Variants in BEND4 observed in about 807,000 individuals in gnomAD.
The protein encoded by BEND4 is BEN domain containing 4.
Under a neutral mutation model 54.7 loss-of-function variants are expected in BEND4, and 27 were observed. The observed-to-expected ratio is 0.49, with a 90% CI of 0.36 to 0.68. BEND4 has a LOEUF of 0.68. Among genes scored for constraint, BEND4 ranks in the 30% least tolerant of loss-of-function variants. The pLI is 0.00. For missense variants in BEND4, 702 were observed against 697.2 expected (o/e 1.01, Z -0.08); for synonymous variants, 327 against 299.5 (o/e 1.09, Z -0.95).
intron 2 of BEND4, among the ~76,000 whole-genome samples, chr4:42,147,837 G>C (rs1271031892): frequency 1.3e-5 from 2 of 152,074 alleles, no homozygotes; most frequent in Admixed American, 1.3e-4. Flanking sequence ...AATAAGAAGA[G>C]GGATGGGAAG....
intron 4 of BEND4, among the ~76,000 whole-genome samples, chr4:42,125,235 G>C (rs1021548577): frequency 6.6e-6 from 1 of 152,194 alleles, no homozygotes; most frequent in African/African-American, 2.4e-5. Flanking sequence ...AGTGTGTGAG[G>C]TGCCCAGAGT....
rs1577767444 is a variant in BEND4 at position 42,144,184 on chromosome 4, A to G, written c.488-190T>C. 29 of 629,982 alleles carry G rather than the reference A, an allele frequency of 4.6e-5. No individual in the cohort carries two copies. The South Asian group carries it at 5.4e-4, about 12-fold the overall frequency. The allele number at this position is 629,982 out of a possible 1,614,324, so 39.0% of individuals were successfully genotyped here. A position where few individuals can be genotyped will look rare whatever the true frequency, so the allele number is the denominator to read the frequency against. On this transcript the variant is annotated intron_variant, in intron 2 of 5. Coordinates refer to ENST00000502486, the MANE Select transcript of BEND4 (RefSeq NM_207406.4). The stretch of plus-strand genomic sequence containing the variant: ...CTTCCTGTTGTTCTGCGACTGCGGG[A>G]TGCTTGCTGAGTCACACGCAGTCTC...
intron 3 of BEND4, among the ~76,000 whole-genome samples, chr4:42,139,441 C>T (rs1720809358): frequency 1.3e-5 from 2 of 152,056 alleles, no homozygotes; most frequent in African/African-American, 4.8e-5. Flanking sequence ...ATAGTGCCTG[C>T]CCACAACTTC....
At chr4:42,130,251 C>A (rs572315301) in intron 3 of BEND4, among the ~76,000 whole-genome samples, 2 of 152,210 alleles carry the variant, frequency 1.3e-5, no homozygotes, top group East Asian at 3.9e-4. Flanking sequence ...GAGGCCGAGG[C>A]GGGCGGATCA....
chr4:42,124,771 G>C (rs1560576490), intron 4 of BEND4, among the ~76,000 whole-genome samples: 1 of 152,228 alleles, frequency 6.6e-6, no homozygotes, highest in Non-Finnish European at 1.5e-5. Flanking sequence ...CAGCAATCAT[G>C]AATTGAGTGT....
At position 42,143,617 on chromosome 4, in the gene BEND4, T is replaced by C. The variant is rs1720967308; in HGVS notation, c.865A>G (p.Thr289Ala). Residue 289 changes from threonine to alanine, a missense_variant, in exon 3 of 6, where the codon ACA becomes GCA. Coordinates refer to ENST00000502486, the MANE Select transcript of BEND4 (RefSeq NM_207406.4). ...VDPLSTSPVH[T>A]LGGWTSPATS... is the part of the protein sequence containing the mutation. ...GCTGGGGAAGTCCAGCCACCTAATG[T>C]ATGCACAGGAGAGGTTGACAGAGGA... 6.2e-7 allele frequency: 1 copy of C among 1,609,308 alleles called. No homozygotes were observed.
rs796520162 is a variant in BEND4 at position 42,152,390 on chromosome 4, G to A, written c.-233-14C>T. On this transcript the variant is annotated splice_polypyrimidine_tract_variant and intron_variant, in intron 1 of 5. Coordinates refer to ENST00000502486, the MANE Select transcript of BEND4 (RefSeq NM_207406.4). Reference sequence around the variant, plus strand: ...CCTCGCCAATGCCTGGAGGGAGAAAGGAGGTAAAGAGCAAGTGTTTAGGGT... The same window carrying A: ...CCTCGCCAATGCCTGGAGGGAGAAAAGAGGTAAAGAGCAAGTGTTTAGGGT... 28 of 284,088 alleles carry A rather than the reference G, an allele frequency of 9.9e-5. No homozygotes were observed. Among genetic ancestry groups the A allele is most frequent in the African/African-American group, 4.8e-4 (22 of 45,380 alleles). The allele number at this position is 284,088 out of a possible 1,614,324, so 17.6% of individuals were successfully genotyped here.
chr4:42,138,597 A>G (rs1229134692), intron 3 of BEND4, among the ~76,000 whole-genome samples: 1 of 152,204 alleles, frequency 6.6e-6, no homozygotes, highest in East Asian at 1.9e-4. Context: ...AAGAACAACA[A>G]CAGAAAAATG....
intron 3 of BEND4, among the ~76,000 whole-genome samples, chr4:42,142,896 C>T (rs1333123258): frequency 6.6e-6 from 1 of 152,224 alleles, no homozygotes. Flanking sequence ...AAAGGAAAGG[C>T]AGGGAAAATT....
chr4:42,149,183 C>A (rs1352996061), intron 2 of BEND4, among the ~76,000 whole-genome samples: 1 of 150,230 alleles, frequency 6.7e-6, no homozygotes, highest in Non-Finnish European at 1.5e-5. Context: ...AGGCAAAGCG[C>A]CGCTCCCACC....
At chr4:42,120,005 C>A (rs745312033) in intron 5 of BEND4, 49 bp downstream of exon 5, 6 of 1,610,734 alleles carry the variant, frequency 3.7e-6, no homozygotes, top group South Asian at 3.3e-5. Context: ...ACAGCCAATG[C>A]GGTGAAATGA....
chr4:42,135,852 A>T (rs758888037), intron 3 of BEND4, among the ~76,000 whole-genome samples: 1 of 152,172 alleles, frequency 6.6e-6, no homozygotes, highest in Non-Finnish European at 1.5e-5. Context: ...AGGGAAACAG[A>T]TTTGGCATGA....
intron 3 of BEND4, among the ~76,000 whole-genome samples, chr4:42,136,521 A>T (rs1441923949): frequency 2.0e-5 from 3 of 152,238 alleles, no homozygotes; most frequent in Non-Finnish European, 4.4e-5. Flanking sequence ...GTGCTTTTGC[A>T]GTCATTCACA....
chr4:42,133,341 C>T (rs896528682), intron 3 of BEND4, among the ~76,000 whole-genome samples: 3 of 152,138 alleles, frequency 2.0e-5, no homozygotes, highest in Non-Finnish European at 4.4e-5. Flanking sequence ...AAACGAAAGC[C>T]CCCAGGGATG....
Position 42,111,793 on chromosome 4 carries a change from G to A in BEND4, c.*5725C>T, listed in dbSNP as rs1024165008. ...GCCCCGGTGCTATTTCTAACATCTA[G>A]GAGTTCCCAAAGACTCTCACTTCAC... On this transcript the variant is annotated 3_prime_UTR_variant, in exon 6 of 6. Transcript: ENST00000502486. 6.6e-6 allele frequency: 1 copy of A among 152,134 alleles called. No individual in the cohort carries two copies. Among genetic ancestry groups the A allele is most frequent in the African/African-American group, 2.4e-5 (1 of 41,418 alleles). The allele number at this position is 152,134 out of a possible 1,614,324, so 9.4% of individuals were successfully genotyped here. A position where few individuals can be genotyped will look rare whatever the true frequency, so the allele number is the denominator to read the frequency against.
rs1260231611 is a variant in BEND4 at position 42,120,186 on chromosome 4, T to C, written c.1255A>G (p.Ile419Val). The part of the protein sequence containing the change: ...KDGRRLLRYL[I>V]RFVFTTDELK... The stretch of plus-strand genomic sequence containing the variant: ...TCATCGGTTGTGAAAACAAATCTGA[T>C]GAGGTATCGAAGGAGCCGTCTCCCA... The change falls in exon 5 of 6, where the codon ATC (isoleucine) becomes GTC (valine). Residue 419 changes from isoleucine to valine, a missense_variant. Transcript: ENST00000502486. 7.4e-6 allele frequency: 12 copies of C among 1,614,026 alleles called. No individual in the cohort carries two copies. The highest frequency in any genetic ancestry group is 1.0e-5 in the Non-Finnish European group (12 of 1,179,904).
intron 2 of BEND4, among the ~76,000 whole-genome samples, chr4:42,149,191 AC>A (rs534773899): frequency 9.9e-5 from 8 of 80,626 alleles, no homozygotes; most frequent in Admixed American, 5.0e-4. Flanking sequence ...CGCCGCTCCC[AC>A]CCCCCCCACC....
chr4:42,126,127 A>T (rs1322006871), intron 3 of BEND4, among the ~76,000 whole-genome samples: 2 of 152,194 alleles, frequency 1.3e-5, no homozygotes, highest in Admixed American at 1.3e-4. Flanking sequence ...ATCCGTAGTT[A>T]TTTCAGTTTG....
At chr4:42,118,847 C>T (rs1156426144) in intron 5 of BEND4, among the ~76,000 whole-genome samples, 4 of 152,104 alleles carry the variant, frequency 2.6e-5, no homozygotes, top group African/African-American at 9.7e-5. Flanking sequence ...CAGGACAGAC[C>T]CTGGAAATTT....
Sources: gnomAD v4.1 joint callset for allele counts (sites outside exome capture counted in the v4.1 genomes callset) on GRCh38, gnomAD v4.1.1 for gene constraint, MANE v1.5 for transcripts, NCBI Gene and HGNC (gene_info 2026-07-23, HGNC 2026-07-21) for gene names.